PCDH15: variants seen among roughly 807,000 people sequenced by gnomAD.
PCDH15 encodes protocadherin-15.
PCDH15 carries 129 observed loss-of-function variants against 178.5 expected under a neutral mutation model. That is an observed-to-expected ratio of 0.72 (90% CI 0.63 to 0.84). PCDH15 has a LOEUF of 0.84. Among genes scored for constraint, PCDH15 ranks in the 40% least tolerant of loss-of-function variants. The pLI is 0.00. For synonymous variants in PCDH15, 800 were observed against 732.0 expected, an observed-to-expected ratio of 1.09 and a Z score of -1.50; for missense variants, 2,230 against 2,099.9, an observed-to-expected ratio of 1.06 and a Z score of -1.21.
intron 3 of PCDH15, among the ~76,000 whole-genome samples, chr10:54,512,398 TGTG>T (rs2081781275): frequency 6.7e-6 from 1 of 149,214 alleles, no homozygotes; most frequent in Non-Finnish European, 1.5e-5. Context: ...TGTGTGTGTG[TGTG>T]TATTATTGGG....
intron 25 of PCDH15, among the ~76,000 whole-genome samples, chr10:53,930,400 A>G (rs1407831399): frequency 3.6e-5 from 5 of 139,458 alleles, no homozygotes; most frequent in Admixed American, 8.0e-5. Context: ...GGAGCTTGCA[A>G]CGAGCTGAGA....
chr10:55,127,747 G>T (rs898858803), intron 2 of PCDH15, among the ~76,000 whole-genome samples: 16 of 152,102 alleles, frequency 1.1e-4, no homozygotes, highest in Admixed American at 1.0e-3. Flanking sequence ...ATGATTATCA[G>T]ATTTTGCAGC....
At chr10:54,500,398 A>G (rs1189495791) in intron 3 of PCDH15, among the ~76,000 whole-genome samples, 1 of 152,136 alleles carries the variant, frequency 6.6e-6, no homozygotes, top group African/African-American at 2.4e-5. Context: ...AGTGACATGC[A>G]ATTTACCCAT....
intron 2 of PCDH15, among the ~76,000 whole-genome samples, chr10:55,327,092 G>A (rs192241779): frequency 1.3e-5 from 2 of 152,160 alleles, no homozygotes; most frequent in East Asian, 3.9e-4. Context: ...AGGAGGTGAG[G>A]CCTTTGAGAT....
chr10:54,181,925 C>A (rs770821442), intron 13 of PCDH15, among the ~76,000 whole-genome samples: 1 of 151,936 alleles, frequency 6.6e-6, no homozygotes, highest in Admixed American at 6.6e-5. Flanking sequence ...TGAATGATTT[C>A]TTTTTTCTTT....
Position 55,265,738 on chromosome 10 carries a change from G to A in PCDH15, c.-156+53861C>T, listed in dbSNP as rs950447438. On this transcript the variant is annotated intron_variant, in intron 1 of 5. Coordinates refer to the PCDH15 transcript ENST00000458638. ...CACTGCCTTCCTGGAAAAGCTAAGAGAGGCCTTGGTAAAACACACCTCTCT... is the reference window on the plus strand; with the variant it reads ...CACTGCCTTCCTGGAAAAGCTAAGAAAGGCCTTGGTAAAACACACCTCTCT... Among the ~76,000 whole-genome samples the A allele has an allele frequency of 9.9e-5, 15 of 152,234 alleles. No individual in the cohort carries two copies. The East Asian group carries it at 2.9e-3, about 29-fold the overall frequency.
chr10:54,821,617 C>G (rs926303454), intron 3 of PCDH15, among the ~76,000 whole-genome samples: 2 of 152,018 alleles, frequency 1.3e-5, no homozygotes, highest in African/African-American at 4.8e-5. Flanking sequence ...GTAGTATTAT[C>G]TTTGACTACC....
chr10:54,275,814 C>T (rs73239240), intron 8 of PCDH15, among the ~76,000 whole-genome samples: 2,987 of 151,186 alleles, frequency 0.02, 103 homozygotes, highest in African/African-American at 0.069. Context: ...CAGGCCACTA[C>T]AAATGAATGA....
At chr10:54,070,004 C>A (rs1398297411) in intron 17 of PCDH15, among the ~76,000 whole-genome samples, 1 of 152,282 alleles carries the variant, frequency 6.6e-6, no homozygotes, top group Non-Finnish European at 1.5e-5. Flanking sequence ...AGTTTGCTCA[C>A]TGATTATTTC....
intron 11 of PCDH15, among the ~76,000 whole-genome samples, chr10:54,186,452 A>G (rs1418730663): frequency 6.6e-6 from 1 of 152,036 alleles, no homozygotes; most frequent in African/African-American, 2.4e-5. Flanking sequence ...TCCACAATAT[A>G]CTTGAATCTG....
rs890909477 is a variant in PCDH15 at position 54,689,560 on chromosome 10, G to C, written c.-28-25270C>G. On this transcript the variant is annotated intron_variant, in intron 1 of 37. Coordinates refer to ENST00000644397, the MANE Select transcript of PCDH15 (RefSeq NM_001384140.1). Reference sequence around the variant, plus strand: ...AGTCAGCAATTAGGGACTGAATAAAGTTTTAAGTGGATCAATATAACATAT... The same window carrying C: ...AGTCAGCAATTAGGGACTGAATAAACTTTTAAGTGGATCAATATAACATAT... Among the ~76,000 whole-genome samples the C allele has an allele frequency of 2.0e-5, 3 of 152,146 alleles. No individual in the cohort carries two copies. The East Asian group carries it at 5.8e-4, about 29-fold the overall frequency.
intron 6 of PCDH15, among the ~76,000 whole-genome samples, chr10:54,334,542 A>G (rs2133966622): frequency 6.6e-6 from 1 of 152,294 alleles, no homozygotes; most frequent in East Asian, 1.9e-4. Context: ...TTCTCAGCTG[A>G]TAGATTTGGT....
chr10:55,304,375 C>T (rs988573692), intron 1 of PCDH15, among the ~76,000 whole-genome samples: 11 of 152,158 alleles, frequency 7.2e-5, no homozygotes, highest in African/African-American at 1.9e-4. Flanking sequence ...AAGTATATCA[C>T]TGCACTGTTA....
intron 2 of PCDH15, among the ~76,000 whole-genome samples, chr10:55,024,314 A>AAT (rs4007191): frequency 0.49 from 69,454 of 141,750 alleles, 17,737 homozygotes; most frequent in East Asian, 0.74. Context: ...TATGGGATGG[A>AAT]ATATATATAT....
intron 26 of PCDH15, among the ~76,000 whole-genome samples, chr10:53,902,849 G>GA (rs775096842): frequency 9.7e-4 from 147 of 151,846 alleles, no homozygotes; most frequent in South Asian, 2.9e-3. Context: ...CACAATTTCA[G>GA]AAAAAAATGG....
chr10:54,463,112 T>C (rs999574505), intron 3 of PCDH15, among the ~76,000 whole-genome samples: 1 of 152,160 alleles, frequency 6.6e-6, no homozygotes, highest in Non-Finnish European at 1.5e-5. Flanking sequence ...TGTTCAACTC[T>C]GTTCAGTCAT....
intron 3 of PCDH15, among the ~76,000 whole-genome samples, chr10:54,435,501 C>G (rs950175790): frequency 6.6e-6 from 1 of 152,152 alleles, no homozygotes; most frequent in African/African-American, 2.4e-5. Flanking sequence ...GCAAATGCAG[C>G]TGCCGAACAA....
intron 3 of PCDH15, among the ~76,000 whole-genome samples, chr10:54,851,957 C>T (rs1591741947): frequency 6.6e-6 from 1 of 152,264 alleles, no homozygotes; most frequent in African/African-American, 2.4e-5. Context: ...AAATTGGCCA[C>T]TTTTTGAATT....
At chr10:54,820,968 TG>T (rs1366373656) in intron 3 of PCDH15, among the ~76,000 whole-genome samples, 2 of 152,088 alleles carry the variant, frequency 1.3e-5, no homozygotes, top group African/African-American at 4.8e-5. Context: ...AATACTTGCA[TG>T]GAAAATGAAA....
Sources: gnomAD v4.1 joint callset for allele counts (sites outside exome capture counted in the v4.1 genomes callset) on GRCh38, gnomAD v4.1.1 for gene constraint, MANE v1.5 for transcripts, NCBI Gene and HGNC (gene_info 2026-07-23, HGNC 2026-07-21) for gene names.